Variants in CRB1 observed in about 807,000 individuals in gnomAD.
CRB1 encodes crumbs cell polarity complex component 1, also known as protein crumbs homolog 1.
Under a neutral mutation model 120.0 loss-of-function variants are expected in CRB1, and 83 were observed. The ratio of observed to expected loss-of-function variants is 0.69; its 90% CI spans 0.58 to 0.83. The LOEUF is 0.83. Among genes scored for constraint, CRB1 ranks in the 40% least tolerant of loss-of-function variants. The pLI is 0.00. For synonymous variants in CRB1, 625 were observed against 612.5 expected (o/e 1.02, Z -0.30); for missense variants, 1,699 against 1,687.6 (o/e 1.01, Z -0.12).
chr1:197,233,407 T>C, the CRB1 span, among the ~76,000 whole-genome samples: 7 of 152,072 alleles, frequency 4.6e-5, no homozygotes, highest in African/African-American at 1.7e-4. Flanking sequence ...AAGTAGAATG[T>C]AAGTGGCACT....
chr1:197,294,183 C>T (rs192742261), intron 1 of CRB1, among the ~76,000 whole-genome samples: 171 of 152,214 alleles, frequency 1.1e-3, no homozygotes, highest in Non-Finnish European at 1.9e-3. Context: ...GGGCTAATTT[C>T]CAGAATCTAC....
chr1:197,348,167 C>T (rs565634390), intron 4 of CRB1, among the ~76,000 whole-genome samples: 44 of 152,304 alleles, frequency 2.9e-4, no homozygotes, highest in African/African-American at 1.0e-3. Context: ...ATTCCTACTG[C>T]CTAGTGATGT....
intron 11 of CRB1, among the ~76,000 whole-genome samples, chr1:197,459,751 A>C (rs1433702628): frequency 6.6e-6 from 1 of 152,116 alleles, no homozygotes; most frequent in Admixed American, 6.6e-5. Flanking sequence ...AAACTCCTGA[A>C]TTATATTCTC....
the CRB1 span, among the ~76,000 whole-genome samples, chr1:197,225,694 G>A: frequency 3.3e-5 from 5 of 152,126 alleles, no homozygotes; most frequent in Non-Finnish European, 5.9e-5. Context: ...AAAACAGCTG[G>A]AGCTTAACAG....
At chr1:197,262,140 G>C in the CRB1 span, among the ~76,000 whole-genome samples, 1 of 152,086 alleles carries the variant, frequency 6.6e-6, no homozygotes, top group Non-Finnish European at 1.5e-5. Context: ...TGTATTGCAG[G>C]TGTACATATA....
chr1:197,298,851 CATTT>C, intron 1 of CRB1, among the ~76,000 whole-genome samples: 1 of 152,068 alleles, frequency 6.6e-6, no homozygotes, highest in Non-Finnish European at 1.5e-5. Flanking sequence ...ATCTTCTTCT[CATTT>C]ATACATAAAA....
At position 197,401,013 on chromosome 1, in the gene CRB1, AT is replaced by A. The variant is rs1332048670; in HGVS notation, c.1172-19986del. On this transcript the variant is annotated intron_variant, in intron 5 of 11. Coordinates refer to ENST00000367400, the MANE Select transcript of CRB1 (RefSeq NM_201253.3). Reference sequence around the variant, plus strand: ...ACATATACACAGAGAAATTGAAATTATATTATATATAGTTTTGTATCCGAAT... The same window carrying A: ...ACATATACACAGAGAAATTGAAATTAATTATATATAGTTTTGTATCCGAAT... Among the ~76,000 whole-genome samples, 12 of 152,186 alleles carry A rather than the reference AT, an allele frequency of 7.9e-5. No individual in the cohort carries two copies. In the East Asian group the frequency reaches 2.3e-3, roughly 29 times the overall value.
intron 5 of CRB1, among the ~76,000 whole-genome samples, chr1:197,396,053 C>T (rs540946217): frequency 9.2e-5 from 14 of 152,086 alleles, no homozygotes; most frequent in African/African-American, 3.1e-4. Context: ...TAATTAAAAC[C>T]CCCTCTATTA....
chr1:197,368,044 T>G (rs1661170579), intron 5 of CRB1, among the ~76,000 whole-genome samples: 1 of 152,122 alleles, frequency 6.6e-6, no homozygotes, highest in Non-Finnish European at 1.5e-5. Context: ...TAAATCCAAC[T>G]AAAATAGCCA....
At chr1:197,445,645 T>A (rs952742524) in intron 11 of CRB1, among the ~76,000 whole-genome samples, 42 of 152,246 alleles carry the variant, frequency 2.8e-4, no homozygotes, top group African/African-American at 9.6e-4. Flanking sequence ...AATATTAAAA[T>A]TAAACTTCTT....
chr1:197,468,091 C>A (rs916835138), intron 11 of CRB1, among the ~76,000 whole-genome samples: 24 of 152,150 alleles, frequency 1.6e-4, no homozygotes, highest in African/African-American at 5.6e-4. Context: ...ATCCCAGAAC[C>A]ACAGGCATGC....
At chr1:197,242,941 A>G in the CRB1 span, among the ~76,000 whole-genome samples, 6 of 151,614 alleles carry the variant, frequency 4.0e-5, no homozygotes, top group Non-Finnish European at 8.8e-5. Flanking sequence ...TTTCTTCTAG[A>G]TTTTCTAGTT....
At chr1:197,241,027 A>G in the CRB1 span, among the ~76,000 whole-genome samples, 2 of 151,868 alleles carry the variant, frequency 1.3e-5, no homozygotes, top group Non-Finnish European at 2.9e-5. Context: ...CATATCCTTC[A>G]CCCACTTTTT....
intron 5 of CRB1, among the ~76,000 whole-genome samples, chr1:197,416,044 A>G (rs998671731): frequency 1.4e-4 from 22 of 152,312 alleles, no homozygotes; most frequent in African/African-American, 5.1e-4. Context: ...CCTTCTCCAG[A>G]GGCTCTGCAG....
the CRB1 span, among the ~76,000 whole-genome samples, chr1:197,204,346 G>GA: frequency 2.6e-5 from 4 of 152,148 alleles, no homozygotes; most frequent in Admixed American, 6.6e-5. Context: ...GTTCTTTAAG[G>GA]AATCTCCTCC....
At chr1:197,342,100 C>T (rs1413204500) in intron 2 of CRB1, among the ~76,000 whole-genome samples, 2 of 152,188 alleles carry the variant, frequency 1.3e-5, no homozygotes, top group Admixed American at 1.3e-4. Flanking sequence ...ATGGACCATG[C>T]TTTTGGAATT....
At chr1:197,257,705 A>G in the CRB1 span, among the ~76,000 whole-genome samples, 1 of 152,136 alleles carries the variant, frequency 6.6e-6, no homozygotes, top group African/African-American at 2.4e-5. Context: ...AAATACCGCT[A>G]ATCCAATGAA....
the CRB1 span, among the ~76,000 whole-genome samples, chr1:197,252,568 ATATATATATATATATGTGTGTGTGTGTG>A: frequency 3.6e-4 from 17 of 46,898 alleles, no homozygotes; most frequent in African/African-American, 9.2e-4. Context: ...ATATATATAT[ATATATATATATATATGTGTGTGTGTGTG>A]TGTGTGTGTG....
At chr1:197,208,626 G>A in the CRB1 span, among the ~76,000 whole-genome samples, 1 of 152,202 alleles carries the variant, frequency 6.6e-6, no homozygotes, top group Admixed American at 6.5e-5. Context: ...GGGGAGTGAA[G>A]TGGACTCTGT....
Sources: allele counts gnomAD v4.1 joint callset (sites outside exome capture counted in the v4.1 genomes callset), GRCh38; gene constraint gnomAD v4.1.1; transcripts MANE v1.5; gene names NCBI Gene and HGNC (gene_info 2026-07-23, HGNC 2026-07-21).